MYOM1: variants seen among roughly 807,000 people sequenced by gnomAD.
The protein encoded by MYOM1 is myomesin 1.
In MYOM1, 164 loss-of-function variants were observed where a neutral mutation model predicts 205.3. That is an observed-to-expected ratio of 0.80 (90% CI 0.70 to 0.91). MYOM1 has a LOEUF of 0.91. Among genes scored for constraint, MYOM1 ranks in the 40% least tolerant of loss-of-function variants. The pLI, the probability that MYOM1 is intolerant of heterozygous loss-of-function variation, is 0.00. For synonymous variants in MYOM1, 772 were observed against 789.4 expected, an observed-to-expected ratio of 0.98 and a Z score of 0.37; for missense variants, 2,011 against 2,127.3, an observed-to-expected ratio of 0.95 and a Z score of 1.08.
intron 10 of MYOM1, among the ~76,000 whole-genome samples, chr18:3,162,008 T>C (rs551519259): frequency 5.3e-5 from 8 of 152,330 alleles, no homozygotes; most frequent in Non-Finnish European, 7.4e-5. Context: ...GTTCTAATCA[T>C]AGACCTTTTG....
intron 2 of MYOM1, among the ~76,000 whole-genome samples, chr18:3,196,736 AG>A (rs1174141737): frequency 6.6e-6 from 1 of 152,210 alleles, no homozygotes; most frequent in East Asian, 1.9e-4. Context: ...CCTGGTGTGT[AG>A]GACATTATCA....
intron 5 of MYOM1, among the ~76,000 whole-genome samples, chr18:3,185,211 T>C (rs1567956022): frequency 6.6e-6 from 1 of 152,380 alleles, no homozygotes; most frequent in East Asian, 1.9e-4. Context: ...CACTTTTGCT[T>C]AATAACACCA....
At chr18:3,147,405 G>C (rs574451245) in intron 13 of MYOM1, among the ~76,000 whole-genome samples, 1 of 152,050 alleles carries the variant, frequency 6.6e-6, no homozygotes, top group South Asian at 2.1e-4. Flanking sequence ...TACAGGCTAT[G>C]TTCATAAATC....
chr18:3,136,813 ATTAAG>A (rs1445328563), intron 14 of MYOM1, among the ~76,000 whole-genome samples: 2 of 152,228 alleles, frequency 1.3e-5, no homozygotes, highest in Admixed American at 6.5e-5. Context: ...ACTATTTGAA[ATTAAG>A]TTATTTGTTG....
intron 26 of MYOM1, among the ~76,000 whole-genome samples, chr18:3,091,328 AC>A (rs1436036678): frequency 5.3e-5 from 8 of 151,900 alleles, no homozygotes; most frequent in South Asian, 4.2e-4. Flanking sequence ...AAAAAAAAAA[AC>A]ATTGAAAAAT....
At chr18:3,233,159 G>T in the MYOM1 span, among the ~76,000 whole-genome samples, 2 of 152,136 alleles carry the variant, frequency 1.3e-5, no homozygotes, top group African/African-American at 2.4e-5. Flanking sequence ...TGGCTAATCT[G>T]GCCACTTCTA....
At chr18:3,076,485 A>G (rs1038954691) in intron 34 of MYOM1, among the ~76,000 whole-genome samples, 8 of 152,178 alleles carry the variant, frequency 5.3e-5, no homozygotes, top group African/African-American at 1.9e-4. Context: ...CCTCCTAGAT[A>G]GGCAGTTAAC....
At chr18:3,200,441 T>C (rs1723050122) in intron 2 of MYOM1, among the ~76,000 whole-genome samples, 1 of 152,164 alleles carries the variant, frequency 6.6e-6, no homozygotes, top group Non-Finnish European at 1.5e-5. Flanking sequence ...AAGCAGCAAT[T>C]ATAAATATGT....
rs369080811 is a variant in MYOM1, at chr18:3,100,372, G to A, written c.3630C>T (p.Cys1210=). Residue 1210 remains cysteine (C), a synonymous_variant, in exon 24 of 38, where the codon TGC becomes TGT. Coordinates refer to ENST00000356443, the MANE Select transcript of MYOM1 (RefSeq NM_003803.4). ...LGMDDLGIYS[C]DVTDTDGIAS... ...CTATTCCATCAGTGTCTGTTACATC[G>A]CAAGAGTAAATACCCAAGTCATCCA... 6.2e-6 allele frequency: 10 copies of A among 1,613,746 alleles called. No individual in the cohort carries two copies. Among genetic ancestry groups the A allele is most frequent in the African/African-American group, 1.3e-5 (1 of 74,894 alleles).
the MYOM1 span, among the ~76,000 whole-genome samples, chr18:3,235,353 C>A: frequency 6.6e-6 from 1 of 152,200 alleles, no homozygotes; most frequent in African/African-American, 2.4e-5. Context: ...TGTCAGAAAT[C>A]TTGAGCTTCT....
chr18:3,078,675 A>G (rs1240873245), intron 34 of MYOM1, among the ~76,000 whole-genome samples: 2 of 152,058 alleles, frequency 1.3e-5, no homozygotes, highest in Non-Finnish European at 1.5e-5. Context: ...GCCTCAAGTG[A>G]TCCTCCCACC....
chr18:3,131,595 C>CT (rs34489383), intron 16 of MYOM1, 99 bp from the exon 17 acceptor site: 13,416 of 895,798 alleles, frequency 0.015, 1 homozygote, highest in East Asian at 0.023. Flanking sequence ...GAAAACAATT[C>CT]TTTTTTTTTT....
intron 2 of MYOM1, among the ~76,000 whole-genome samples, chr18:3,204,737 T>C (rs1345240173): frequency 6.6e-6 from 1 of 151,990 alleles, no homozygotes; most frequent in Non-Finnish European, 1.5e-5. Flanking sequence ...CTAAAATTTA[T>C]ATGGAAATAT....
At chr18:3,080,835 C>T (rs2143667025) in intron 33 of MYOM1, among the ~76,000 whole-genome samples, 1 of 152,038 alleles carries the variant, frequency 6.6e-6, no homozygotes, top group Middle Eastern at 3.4e-3. Flanking sequence ...ATAGATGTGT[C>T]TTAGAGAGTT....
intron 5 of MYOM1, among the ~76,000 whole-genome samples, chr18:3,185,087 G>A (rs146761510): frequency 7.2e-4 from 110 of 152,258 alleles, no homozygotes; most frequent in Middle Eastern, 3.4e-3. Context: ...CTATTTTTCC[G>A]GAGAGTTTCC....
At chr18:3,192,507 C>G (rs189084888) in intron 3 of MYOM1, among the ~76,000 whole-genome samples, 119 of 152,330 alleles carry the variant, frequency 7.8e-4, no homozygotes, top group African/African-American at 2.8e-3. Context: ...ACACAGGCAA[C>G]AGAAGTAGGT....
chr18:3,072,370 T>TTTTTTTTG (rs768555182), intron 36 of MYOM1, among the ~76,000 whole-genome samples: 23 of 116,004 alleles, frequency 2.0e-4, no homozygotes, highest in Admixed American at 3.5e-4. Flanking sequence ...TTTTTTTTTT[T>TTTTTTTTG]TGAGGCAGAG....
At chr18:3,173,851 T>C in intron 8 of MYOM1, 87 bp downstream of exon 8, 2 of 1,142,962 alleles carry the variant, frequency 1.7e-6, no homozygotes, top group Non-Finnish European at 2.6e-6. Flanking sequence ...TTATATATAG[T>C]ATGCATTTAT....
At chr18:3,127,077 C>A (rs999574226) in intron 18 of MYOM1, among the ~76,000 whole-genome samples, 180 bp from the exon 19 acceptor site, 1 of 151,868 alleles carries the variant, frequency 6.6e-6, no homozygotes, top group African/African-American at 2.4e-5. Context: ...AAGTACACTA[C>A]AATTATTATT....
Sources: allele counts gnomAD v4.1 joint callset (sites outside exome capture counted in the v4.1 genomes callset), GRCh38; gene constraint gnomAD v4.1.1; transcripts MANE v1.5; gene names NCBI Gene and HGNC (gene_info 2026-07-23, HGNC 2026-07-21).